The following NOTUM variants were observed in gnomAD, a reference collection of about 807,000 sequenced individuals.
NOTUM encodes palmitoleoyl-protein carboxylesterase NOTUM.
NOTUM carries 36 observed loss-of-function variants against 65.5 expected under a neutral mutation model. The ratio of observed to expected loss-of-function variants is 0.55; its 90% CI spans 0.42 to 0.73. NOTUM has a LOEUF of 0.73. Among genes scored for constraint, NOTUM ranks in the 30% least tolerant of loss-of-function variants. The pLI is 0.00. For missense variants in NOTUM, 659 were observed against 694.2 expected (o/e 0.95, Z 0.57); for synonymous variants, 356 against 297.9 (o/e 1.20, Z -2.01).
chr17:81,957,662 C>G (rs2041443573), intron 6 of NOTUM, 144 bp downstream of exon 6: 3 of 631,054 alleles, frequency 4.8e-6, no homozygotes, highest in Non-Finnish European at 8.5e-6. Flanking sequence ...CCAGCTCCAG[C>G]CTCTCACCCT....
chr17:81,960,391 G>C lies in NOTUM; in HGVS notation c.323+196C>G, dbSNP rs1020025809. On this transcript the variant is annotated intron_variant, in intron 1 of 10. Coordinates refer to ENST00000409678, the MANE Select transcript of NOTUM (RefSeq NM_178493.6). The surrounding 1 kb of genome is among the most constrained non-coding windows in gnomAD (Gnocchi z 6.4). The stretch of plus-strand genomic sequence containing the variant: ...AGGGGTCAGTGCCCGAGCTGGCCGG[G>C]GACCAGCCCTTCCAGCGCCGCTCCG... Among the ~76,000 whole-genome samples the C allele has an allele frequency of 6.6e-6, 1 of 152,196 alleles. No homozygotes were observed. The highest frequency in any genetic ancestry group is 1.5e-5 in the Non-Finnish European group (1 of 68,024).
chr17:81,958,072 A>G (rs2041446817), intron 5 of NOTUM, among the ~76,000 whole-genome samples, 164 bp from the exon 6 acceptor site: 1 of 152,180 alleles, frequency 6.6e-6, no homozygotes, highest in African/African-American at 2.4e-5. Context: ...CGGGTGCACC[A>G]GGCCATGCTG....
In NOTUM at chr17:81,959,660, C is replaced by T. The variant is rs1424636769; in HGVS notation, c.356G>A (p.Arg119Gln). ...YYLKESRGSR[R>Q]WLLFLEGGWY... The stretch of plus-strand genomic sequence containing the variant: ...CGCACCTTCCAGGAAGAGGAGCCAC[C>T]GCCGGCTGCCCCTGGACTCCTTCAG... Residue 119 changes from arginine to glutamine, a missense_variant, in exon 2 of 11, where the codon CGG (arginine) becomes CAG (glutamine). Physicochemically the swap from Arg to Gln is conservative, Grantham distance 43. Transcript: ENST00000409678. The T allele has an allele frequency of 1.3e-6, 2 of 1,543,432 alleles. No homozygotes were observed. The highest frequency in any genetic ancestry group is 1.7e-6 in the Non-Finnish European group (2 of 1,145,182).
intron 5 of NOTUM, 53 bp downstream of exon 5, chr17:81,958,282 T>G (rs2041448450): frequency 1.6e-6 from 2 of 1,259,348 alleles, no homozygotes; most frequent in African/African-American, 2.9e-5. Context: ...CTCCCTGCCC[T>G]GCCATCCGGC....
chr17:81,959,310 C>A, intron 3 of NOTUM, 161 bp downstream of exon 3: 1 of 632,360 alleles, frequency 1.6e-6, no homozygotes. Flanking sequence ...TGGAATGGGC[C>A]CCAAAAGGCA....
In NOTUM at chr17:81,957,077, G is replaced by C; in HGVS notation, c.696-3C>G. The C allele has an allele frequency of 6.3e-7, 1 of 1,595,408 alleles. No individual in the cohort carries two copies. The highest frequency in any genetic ancestry group is 8.5e-7 in the Non-Finnish European group (1 of 1,175,072). On this transcript the variant is annotated splice_region_variant and splice_polypyrimidine_tract_variant and intron_variant, in intron 6 of 10. Transcript: ENST00000409678. ...GGAGCACCCCGGTGCCCCCCGCGCT[G>C]CAAGGAGGGCCAGACGTGAGGCCAG... is the stretch of plus-strand genomic sequence containing the variant.
chr17:81,957,449 A>C (rs2041441847), intron 6 of NOTUM, among the ~76,000 whole-genome samples: 1 of 152,078 alleles, frequency 6.6e-6, no homozygotes, highest in Non-Finnish European at 1.5e-5. Flanking sequence ...ACAGGAACCC[A>C]CAGGGGTGAT....
At chr17:81,955,374 G>A in intron 9 of NOTUM, 23 bp downstream of exon 9, 1 of 1,538,668 alleles carries the variant, frequency 6.5e-7, no homozygotes, top group Non-Finnish European at 8.8e-7. Flanking sequence ...CCGGCGTGGG[G>A]CTCCCGGGGC....
intron 8 of NOTUM, 88 bp downstream of exon 8, chr17:81,956,562 G>A (rs1208367824): frequency 2.2e-6 from 2 of 925,122 alleles, no homozygotes; most frequent in African/African-American, 1.6e-5. Context: ...GCCCAGCCCA[G>A]AAGACTGGAG....
At chr17:81,958,873 G>A (rs978789299) in intron 4 of NOTUM, 62 bp downstream of exon 4, 2 of 1,258,448 alleles carry the variant, frequency 1.6e-6, no homozygotes, top group South Asian at 1.2e-5. Context: ...CCCAAGGAAG[G>A]ACCCCCCGGG....
chr17:81,953,620 T>G (rs538611213), intron 10 of NOTUM, among the ~76,000 whole-genome samples: 1 of 151,270 alleles, frequency 6.6e-6, no homozygotes, highest in African/African-American at 2.4e-5. Flanking sequence ...GTTTTGTTTT[T>G]TGAGACAAGG....
At chr17:81,959,380 G>T in intron 3 of NOTUM, 91 bp downstream of exon 3, 4 of 981,710 alleles carry the variant, frequency 4.1e-6, no homozygotes, top group Admixed American at 2.3e-5. Context: ...CATGATGTGC[G>T]GGGTGGGGGC....
At chr17:81,959,610 G>A (rs1280075709) in intron 2 of NOTUM, 30 bp downstream of exon 2, 6 of 1,545,030 alleles carry the variant, frequency 3.9e-6, no homozygotes, top group African/African-American at 1.4e-5. Context: ...ACAGACCCCC[G>A]GCCTCCCCCC....
At chr17:81,953,328 C>T (rs926427575) in intron 10 of NOTUM, 61 bp from the exon 11 acceptor site, 6 of 1,157,782 alleles carry the variant, frequency 5.2e-6, no homozygotes, top group Admixed American at 2.5e-5. Context: ...ACTGAGGCAG[C>T]TGTTTTTTTT....
chr17:81,952,808 CG>C lies in NOTUM; in HGVS notation c.*152del. 1 of 669,592 alleles carries C rather than the reference CG, an allele frequency of 1.5e-6. No individual in the cohort carries two copies. The highest frequency in any genetic ancestry group is 2.6e-6 in the Non-Finnish European group (1 of 387,344). 41.5% of individuals were successfully genotyped at this position (669,592 alleles called of 1,614,324 possible). A position where few individuals can be genotyped will look rare whatever the true frequency, so the allele number is the denominator to read the frequency against. On this transcript the variant is annotated 3_prime_UTR_variant, in exon 11 of 11. Coordinates refer to ENST00000409678, the MANE Select transcript of NOTUM (RefSeq NM_178493.6). ...GCTGTGGGAGAGGGGCAGGGAAAGC[CG>C]GGGCAGGAGGGCAGTGGGCAGACCC...
Position 81,952,858 on chromosome 17 carries a change from C to T in NOTUM, c.*103G>A, listed in dbSNP as rs1254038833. Reference sequence around the variant, plus strand: ...CCAGACAGGGGGGACGGCTGGGGCCCTGTCCCGAAGAGACGGGAGGGCCTG... The same window carrying T: ...CCAGACAGGGGGGACGGCTGGGGCCTTGTCCCGAAGAGACGGGAGGGCCTG... On this transcript the variant is annotated 3_prime_UTR_variant, in exon 11 of 11. Coordinates refer to ENST00000409678, the MANE Select transcript of NOTUM (RefSeq NM_178493.6). 5 of 1,060,778 alleles carry T rather than the reference C, an allele frequency of 4.7e-6. No individual in the cohort carries two copies. In the Admixed American group the frequency reaches 9.8e-5, roughly 21 times the overall value. The allele number at this position is 1,060,778 out of a possible 1,614,324, so 65.7% of individuals were successfully genotyped here. A position where few individuals can be genotyped will look rare whatever the true frequency, so the allele number is the denominator to read the frequency against.
chr17:81,952,663 G>C lies in NOTUM; in HGVS notation c.*298C>G. On this transcript the variant is annotated 3_prime_UTR_variant, in exon 11 of 11. Transcript: ENST00000409678. ...AGGGCTTGATGGGTGGGGCCGGTGG[G>C]TGCTGTCTGAGCTGGTGGACTGAGG... is the stretch of plus-strand genomic sequence containing the variant. The C allele has an allele frequency of 2.2e-6, 1 of 454,370 alleles. No individual in the cohort carries two copies. Among genetic ancestry groups the C allele is most frequent in the Non-Finnish European group, 3.9e-6 (1 of 254,994 alleles). The allele number at this position is 454,370 out of a possible 1,614,324, so 28.1% of individuals were successfully genotyped here.
intron 7 of NOTUM, 41 bp from the exon 8 acceptor site, chr17:81,956,791 C>A (rs756559107): frequency 1.3e-6 from 2 of 1,594,312 alleles, no homozygotes; most frequent in Non-Finnish European, 1.7e-6. Context: ...TGGGTCTCGT[C>A]CCCCGGGGCT....
chr17:81,958,237 C>G (rs1256428449), intron 5 of NOTUM, 98 bp downstream of exon 5: 3 of 810,682 alleles, frequency 3.7e-6, no homozygotes, highest in South Asian at 1.4e-5. Context: ...GAACCCCTGC[C>G]GTCCCGCCTC....
Sources: gnomAD v4.1 joint callset for allele counts (sites outside exome capture counted in the v4.1 genomes callset) on GRCh38, gnomAD v4.1.1 for gene constraint, Gnocchi (gnomAD v3.1) non-coding constraint, MANE v1.5 for transcripts, NCBI Gene and HGNC (gene_info 2026-07-23, HGNC 2026-07-21) for gene names.